PCDH15: variants seen among roughly 807,000 people sequenced by gnomAD.
PCDH15 encodes protocadherin-15.
In PCDH15, 129 loss-of-function variants were observed where a neutral mutation model predicts 178.5. That is an observed-to-expected ratio of 0.72 (90% CI 0.63 to 0.84). The LOEUF (loss-of-function observed/expected upper bound fraction) is 0.84, where lower values mean the gene tolerates loss of function less well. Ranked by LOEUF, PCDH15 falls within the 40% of genes least tolerant of loss-of-function variation. PCDH15 has a pLI of 0.00. For synonymous variants in PCDH15, 800 were observed against 732.0 expected (o/e 1.09, Z -1.50); for missense variants, 2,230 against 2,099.9 (o/e 1.06, Z -1.21).
In PCDH15 at chr10:53,937,481, G is replaced by A. The variant is rs1345539250; in HGVS notation, c.3373+1334C>T. 2.0e-5 allele frequency among the ~76,000 whole-genome samples: 3 copies of A among 152,230 alleles called. No homozygotes were observed. The South Asian group carries it at 6.2e-4, about 32-fold the overall frequency. ...TATATTTTTAAAAACATAATTGCCTGTAGTTTAAAGATTTTAGAAACTCAA... is the reference window on the plus strand; with the variant it reads ...TATATTTTTAAAAACATAATTGCCTATAGTTTAAAGATTTTAGAAACTCAA... On this transcript the variant is annotated intron_variant, in intron 25 of 37. Transcript: ENST00000644397.
At chr10:54,381,023 C>T (rs1296629712) in intron 3 of PCDH15, among the ~76,000 whole-genome samples, 1 of 150,912 alleles carries the variant, frequency 6.6e-6, no homozygotes, top group Non-Finnish European at 1.5e-5. Flanking sequence ...GTTTGCTTGC[C>T]TGCTTTCCCC....
At chr10:54,167,491 C>G (rs562731419) in intron 13 of PCDH15, among the ~76,000 whole-genome samples, 1 of 152,038 alleles carries the variant, frequency 6.6e-6, no homozygotes, top group South Asian at 2.1e-4. Context: ...ATTGCAGGGA[C>G]GCCTGATTAT....
At chr10:55,089,754 G>A (rs1261543921) in intron 2 of PCDH15, among the ~76,000 whole-genome samples, 1 of 152,118 alleles carries the variant, frequency 6.6e-6, no homozygotes, top group Non-Finnish European at 1.5e-5. Context: ...TGTAGGTTAA[G>A]CCCTGGTAAA....
upstream of PCDH15, among the ~76,000 whole-genome samples, chr10:55,322,611 T>TA (rs1843927949): frequency 6.6e-6 from 1 of 152,100 alleles, no homozygotes; most frequent in Admixed American, 6.5e-5. Context: ...AGGAACTTGT[T>TA]GAACTGGAGT....
At chr10:54,093,163 C>G (rs1027627368) in intron 15 of PCDH15, among the ~76,000 whole-genome samples, 2 of 152,080 alleles carry the variant, frequency 1.3e-5, no homozygotes, top group African/African-American at 2.4e-5. Flanking sequence ...TTTGACCACT[C>G]AAATACCTCA....
Position 55,473,618 on chromosome 10 carries a change from T to G in PCDH15, c.-156+154007A>C, listed in dbSNP as rs562550858. Among the ~76,000 whole-genome samples, 4 of 152,306 alleles carry G rather than the reference T, an allele frequency of 2.6e-5. No homozygotes were observed. The South Asian group carries it at 8.3e-4, about 32-fold the overall frequency. On this transcript the variant is annotated intron_variant, in intron 2 of 5. Coordinates refer to the PCDH15 transcript ENST00000613346. ...CACATAGAACAGCTTTTTTCTCTCCTGAGTAAACTGTAATCCTGTAGTGAA... is the reference window on the plus strand; with the variant it reads ...CACATAGAACAGCTTTTTTCTCTCCGGAGTAAACTGTAATCCTGTAGTGAA...
At chr10:54,406,448 C>T (rs1952678954) in intron 3 of PCDH15, among the ~76,000 whole-genome samples, 1 of 152,204 alleles carries the variant, frequency 6.6e-6, no homozygotes, top group African/African-American at 2.4e-5. Context: ...AGGTGTCTGT[C>T]ACTTTTTGCC....
At chr10:55,123,199 A>G (rs1837816197) in intron 2 of PCDH15, among the ~76,000 whole-genome samples, 1 of 151,974 alleles carries the variant, frequency 6.6e-6, no homozygotes, top group Admixed American at 6.6e-5. Context: ...TGTTATCTAA[A>G]TTATGAAAAA....
intron 32 of PCDH15, chr10:53,823,049 C>A: frequency 6.2e-7 from 1 of 1,613,982 alleles, no homozygotes; most frequent in Non-Finnish European, 8.5e-7. Context: ...GAGACTTACT[C>A]TTGGCTTGTA....
chr10:54,237,523 G>T (rs1318159624), intron 8 of PCDH15, among the ~76,000 whole-genome samples: 2 of 151,932 alleles, frequency 1.3e-5, no homozygotes, highest in Non-Finnish European at 2.9e-5. Context: ...CTTTAATTTG[G>T]TGTTTCCCAA....
At position 54,347,993 on chromosome 10, in the gene PCDH15, C is replaced by T. The variant is rs1325277326; in HGVS notation, c.475-1509G>A. ...CCTCCCAAGTAGCTGGGACCACAGG[C>T]GCCCACCACCACGCCCGGCTAATTT... On this transcript the variant is annotated intron_variant, in intron 5 of 37. Coordinates refer to ENST00000644397, the MANE Select transcript of PCDH15 (RefSeq NM_001384140.1). 6.6e-5 allele frequency among the ~76,000 whole-genome samples: 10 copies of T among 151,660 alleles called. No homozygotes were observed. In the South Asian group the frequency reaches 1.2e-3, roughly 19 times the overall value.
intron 3 of PCDH15, among the ~76,000 whole-genome samples, chr10:54,426,227 T>C (rs1956251492): frequency 6.6e-6 from 1 of 152,150 alleles, no homozygotes; most frequent in Admixed American, 6.6e-5. Flanking sequence ...TTAATTTTGT[T>C]TATACCAGTG....
chr10:55,607,923 C>G (rs1174365327), intron 2 of PCDH15, among the ~76,000 whole-genome samples: 3 of 151,346 alleles, frequency 2.0e-5, no homozygotes, highest in Non-Finnish European at 2.9e-5. Flanking sequence ...CACACACACA[C>G]AGAGACAGAG....
chr10:55,113,045 G>A (rs1362222186), intron 2 of PCDH15, among the ~76,000 whole-genome samples: 2 of 152,044 alleles, frequency 1.3e-5, no homozygotes, highest in African/African-American at 4.8e-5. Flanking sequence ...GGAACTGCAT[G>A]GCATCATCCT....
At chr10:54,877,846 C>A (rs941363297) in intron 3 of PCDH15, among the ~76,000 whole-genome samples, 4 of 150,142 alleles carry the variant, frequency 2.7e-5, no homozygotes, top group African/African-American at 9.8e-5. Context: ...ATATAAGAAG[C>A]AGAGCATATT....
intron 1 of PCDH15, among the ~76,000 whole-genome samples, chr10:55,270,491 A>G (rs1183413974): frequency 6.6e-6 from 1 of 152,196 alleles, no homozygotes; most frequent in Non-Finnish European, 1.5e-5. Context: ...GGATATGAAC[A>G]GACACTTCGC....
intron 2 of PCDH15, among the ~76,000 whole-genome samples, chr10:55,471,606 G>C (rs1348575289): frequency 6.6e-6 from 1 of 152,126 alleles, no homozygotes; most frequent in African/African-American, 2.4e-5. Context: ...AATCCCTGTT[G>C]GCTAGTCTGG....
intron 8 of PCDH15, among the ~76,000 whole-genome samples, chr10:54,241,083 A>G (rs1459997569): frequency 1.3e-5 from 2 of 152,170 alleles, no homozygotes; most frequent in African/African-American, 4.8e-5. Flanking sequence ...GAGTTATCCA[A>G]AGAGATCACT....
intron 2 of PCDH15, among the ~76,000 whole-genome samples, chr10:55,467,446 AC>A (rs1399719764): frequency 2.0e-5 from 3 of 150,850 alleles, no homozygotes; most frequent in African/African-American, 7.3e-5. Flanking sequence ...TTAATTTGAG[AC>A]CAAAATATCT....
Sources: allele counts gnomAD v4.1 joint callset (sites outside exome capture counted in the v4.1 genomes callset), GRCh38; gene constraint gnomAD v4.1.1; transcripts MANE v1.5; gene names NCBI Gene and HGNC (gene_info 2026-07-23, HGNC 2026-07-21).